Variants in NRXN3 observed in about 807,000 individuals in gnomAD.
NRXN3 encodes neurexin III.
In NRXN3, 32 loss-of-function variants were observed where a neutral mutation model predicts 137.6. The ratio of observed to expected loss-of-function variants is 0.23; its 90% confidence interval spans 0.18 to 0.31. The LOEUF is 0.31. Ranked by LOEUF, NRXN3 falls within the 10% of genes least tolerant of loss-of-function variation. The pLI is 1.00. For missense variants in NRXN3, 1,574 were observed against 2,062.5 expected, an observed-to-expected ratio of 0.76 and a Z score of 4.59; for synonymous variants, 798 against 784.5, an observed-to-expected ratio of 1.02 and a Z score of -0.29.
intron 4 of NRXN3, among the ~76,000 whole-genome samples, chr14:78,523,877 C>T (rs556642413): frequency 7.0e-6 from 1 of 143,196 alleles, no homozygotes; most frequent in East Asian, 2.1e-4. Flanking sequence ...ATAGTTCAGA[C>T]TACTCAAGTC....
At chr14:78,356,623 T>C (rs17107446) in intron 4 of NRXN3, among the ~76,000 whole-genome samples, 5,853 of 152,262 alleles carry the variant, frequency 0.038, 147 homozygotes, top group South Asian at 0.086. Flanking sequence ...CAGCCGACTT[T>C]GACTCATTGA....
intron 15 of NRXN3, among the ~76,000 whole-genome samples, chr14:79,022,569 C>T (rs2099591496): frequency 6.6e-6 from 1 of 152,172 alleles, no homozygotes; most frequent in Non-Finnish European, 1.5e-5. Flanking sequence ...TAGCACTTCA[C>T]ACTATTCTAC....
At chr14:78,671,685 A>G (rs1416057082) in intron 6 of NRXN3, among the ~76,000 whole-genome samples, 1 of 152,120 alleles carries the variant, frequency 6.6e-6, no homozygotes, top group Non-Finnish European at 1.5e-5. Flanking sequence ...TGTGTTTTGC[A>G]TTTATATTCT....
chr14:78,176,007 G>T (rs190371672), intron 1 of NRXN3, among the ~76,000 whole-genome samples: 1 of 152,320 alleles, frequency 6.6e-6, no homozygotes, highest in South Asian at 2.1e-4. Context: ...TTCCTAGTGC[G>T]TAGGACATTT....
rs145674959 is a variant in NRXN3 at position 79,273,058 on chromosome 14, G to T, written c.3263-194163G>T. Among the ~76,000 whole-genome samples the T allele has an allele frequency of 1.7e-3, 260 of 151,254 alleles. 5 individuals carry two copies. The East Asian group carries it at 0.024, about 14-fold the overall frequency. On this transcript the variant is annotated intron_variant, in intron 15 of 20. Transcript: ENST00000335750. Reference sequence around the variant, plus strand: ...ATGGTGGCTTGCGCCTGTAATTCCCGCTACTCGGGAGGATGAAAAAGGAGA... The same window carrying T: ...ATGGTGGCTTGCGCCTGTAATTCCCTCTACTCGGGAGGATGAAAAAGGAGA...
chr14:78,635,371 G>A (rs747931110), intron 4 of NRXN3, among the ~76,000 whole-genome samples: 2 of 152,044 alleles, frequency 1.3e-5, no homozygotes, highest in African/African-American at 2.4e-5. Context: ...AAACCTTCAT[G>A]ACTTCTATAT....
At chr14:79,347,507 C>T (rs1454908604) in intron 15 of NRXN3, among the ~76,000 whole-genome samples, 4 of 135,618 alleles carry the variant, frequency 2.9e-5, no homozygotes, top group South Asian at 2.7e-4. Flanking sequence ...CTACTACCTC[C>T]GCCTCCTGGG....
chr14:78,365,218 A>G (rs1318944463), intron 4 of NRXN3, among the ~76,000 whole-genome samples: 1 of 151,898 alleles, frequency 6.6e-6, no homozygotes, highest in South Asian at 2.1e-4. Context: ...AATAGGTCAT[A>G]TATATATATA....
intron 15 of NRXN3, among the ~76,000 whole-genome samples, chr14:79,415,547 A>C (rs1340221609): frequency 6.6e-6 from 1 of 152,038 alleles, no homozygotes; most frequent in Non-Finnish European, 1.5e-5. Context: ...CCTGAAACCA[A>C]CCCCTGTGGA....
At chr14:78,631,253 C>G (rs972547338) in intron 4 of NRXN3, among the ~76,000 whole-genome samples, 1 of 152,132 alleles carries the variant, frequency 6.6e-6, no homozygotes, top group Non-Finnish European at 1.5e-5. Flanking sequence ...GATGAGCCAC[C>G]GGTCCTCATT....
intron 15 of NRXN3, among the ~76,000 whole-genome samples, chr14:79,098,164 T>A (rs1352806898): frequency 3.3e-5 from 5 of 152,128 alleles, no homozygotes. Context: ...ATTGTCGAAT[T>A]AAAGCACCCT....
At chr14:78,409,198 C>T (rs1444109589) in intron 4 of NRXN3, among the ~76,000 whole-genome samples, 1 of 152,192 alleles carries the variant, frequency 6.6e-6, no homozygotes, top group Non-Finnish European at 1.5e-5. Flanking sequence ...AATTCTAAGA[C>T]TAACAAGAAC....
At chr14:78,731,567 G>A (rs2098515576) in intron 8 of NRXN3, among the ~76,000 whole-genome samples, 1 of 151,010 alleles carries the variant, frequency 6.6e-6, no homozygotes, top group African/African-American at 2.4e-5. Flanking sequence ...TAACATATCT[G>A]TATGCTTTAT....
chr14:79,513,846 T>C (rs1464591898), intron 16 of NRXN3, among the ~76,000 whole-genome samples: 1 of 152,206 alleles, frequency 6.6e-6, no homozygotes, highest in African/African-American at 2.4e-5. Context: ...ACCTCCTGTT[T>C]AGTCGTTTGC....
chr14:78,597,604 C>T (rs187197759), intron 4 of NRXN3, among the ~76,000 whole-genome samples: 2 of 152,314 alleles, frequency 1.3e-5, no homozygotes, highest in East Asian at 3.9e-4. Context: ...TCAGAATTCT[C>T]AGGGCCTTAG....
rs115630011 is a variant in NRXN3 at position 79,409,125 on chromosome 14, A to G, written c.3263-58096A>G. 5.6e-3 allele frequency among the ~76,000 whole-genome samples: 857 copies of G among 152,192 alleles called. 9 individuals are homozygous for G. Among genetic ancestry groups the G allele is most frequent in the African/African-American group, 0.019 (803 of 41,542 alleles). ...ACTGTTAACACCTTCAACTGAGTAA[A>G]CTGCAATCTTTGCAAAGTGAATTAA... is the stretch of plus-strand genomic sequence containing the variant. On this transcript the variant is annotated intron_variant, in intron 15 of 20. Transcript: ENST00000335750.
At chr14:79,469,997 C>T (rs1394604560) in intron 16 of NRXN3, among the ~76,000 whole-genome samples, 1 of 152,124 alleles carries the variant, frequency 6.6e-6, no homozygotes, top group Non-Finnish European at 1.5e-5. Context: ...GCCATAAATA[C>T]TTATTAAGAT....
intron 4 of NRXN3, among the ~76,000 whole-genome samples, chr14:78,642,870 C>T (rs2097649214): frequency 6.6e-6 from 1 of 152,196 alleles, no homozygotes; most frequent in South Asian, 2.1e-4. Flanking sequence ...GGGGCTATTT[C>T]TGCTAAAATC....
At chr14:79,386,843 C>T (rs1032094155) in intron 15 of NRXN3, among the ~76,000 whole-genome samples, 35 of 152,264 alleles carry the variant, frequency 2.3e-4, no homozygotes, top group Admixed American at 2.2e-3. Context: ...GAAAAACAAG[C>T]AATGGGGAAA....
Sources: gnomAD v4.1 joint callset for allele counts (sites outside exome capture counted in the v4.1 genomes callset) on GRCh38, gnomAD v4.1.1 for gene constraint, MANE v1.5 for transcripts, NCBI Gene and HGNC (gene_info 2026-07-23, HGNC 2026-07-21) for gene names.